Variants in RHOT1 observed in about 807,000 individuals in gnomAD.
The protein encoded by RHOT1 is mitochondrial Rho GTPase 1.
A neutral mutation model predicts 95.3 loss-of-function variants in RHOT1; 27 were observed. The ratio of observed to expected loss-of-function variants is 0.28; its 90% CI spans 0.21 to 0.39. The LOEUF is 0.39. Ranked by LOEUF, RHOT1 falls within the 10% of genes least tolerant of loss-of-function variation. RHOT1 has a pLI of 1.00. For synonymous variants in RHOT1, 227 were observed against 263.5 expected, an observed-to-expected ratio of 0.86 and a Z score of 1.34; for missense variants, 578 against 786.7, an observed-to-expected ratio of 0.73 and a Z score of 3.17.
chr17:32,182,932 AG>A, intron 7 of RHOT1, 67 bp downstream of exon 7: 3 of 1,013,988 alleles, frequency 3.0e-6, no homozygotes, highest in Non-Finnish European at 4.5e-6. Context: ...GGTTTTAAAT[AG>A]GGGGGACAAT....
At chr17:32,212,434 T>G (rs2038197007) in intron 19 of RHOT1, among the ~76,000 whole-genome samples, 1 of 152,202 alleles carries the variant, frequency 6.6e-6, no homozygotes, top group Non-Finnish European at 1.5e-5. Flanking sequence ...CTTTAGCACC[T>G]TGTAAAGTAG....
chr17:32,216,362 G>GTGATTTCCTTTGTGCA (rs1440825562), intron 19 of RHOT1, among the ~76,000 whole-genome samples: 1 of 151,930 alleles, frequency 6.6e-6, no homozygotes, highest in African/African-American at 2.4e-5. Context: ...TTCTTTGGGC[G>GTGATTTCCTTTGTGCA]TGATTTCCTT....
At chr17:32,170,503 T>TATC (rs112418484) in intron 1 of RHOT1, among the ~76,000 whole-genome samples, 6,915 of 152,308 alleles carry the variant, frequency 0.045, 528 homozygotes, top group African/African-American at 0.16. Context: ...ATGTAACAAT[T>TATC]ATTTTAACTG....
rs777218727 is a variant in RHOT1, at chr17:32,224,634, C to T, written c.1881C>T (p.Asp627=). Residue 627 remains aspartate, a synonymous_variant, in exon 20 of 20, where the codon GAC becomes GAT. Transcript: ENST00000545287. ...AVLNRHVTQA[D]LKSSTFWLRA... is the part of the protein sequence containing the mutation. ...ACTGCAGGCACGTGACACAAGCTGA[C>T]CTCAAGAGCTCCACGTTTTGGCTTC... 5 of 1,613,134 alleles carry T rather than the reference C, an allele frequency of 3.1e-6. No homozygotes were observed.
Position 32,211,164 on chromosome 17 carries a change from C to T in RHOT1, c.1788C>T (p.Cys596=). The part of the protein sequence containing the change: ...CMCTCNRCTF[C]ICQNFLNSDL... ...GCACCTGCAACAGGTGTACATTTTG[C>T]ATCTGTCAGAACTTCCTCAACTCAG... The change falls in exon 19 of 20, where the codon TGC becomes TGT. Residue 596 remains cysteine, a synonymous_variant. Coordinates refer to ENST00000545287, the MANE Select transcript of RHOT1 (RefSeq NM_001033566.3). 1 of 1,611,962 alleles carries T rather than the reference C, an allele frequency of 6.2e-7. No individual in the cohort carries two copies. The highest frequency in any genetic ancestry group is 8.5e-7 in the Non-Finnish European group (1 of 1,178,458).
At chr17:32,149,228 TA>T (rs1247421135) in intron 1 of RHOT1, among the ~76,000 whole-genome samples, 5 of 151,846 alleles carry the variant, frequency 3.3e-5, no homozygotes, top group Non-Finnish European at 7.4e-5. Flanking sequence ...CATTTTATTA[TA>T]AATTTTATTT....
chr17:32,163,971 A>G (rs1179849358), intron 1 of RHOT1, among the ~76,000 whole-genome samples: 1 of 151,916 alleles, frequency 6.6e-6, no homozygotes, highest in African/African-American at 2.4e-5. Context: ...CCTGGCCAAC[A>G]TGGTGAAACC....
intron 2 of RHOT1, among the ~76,000 whole-genome samples, chr17:32,172,657 AC>A (rs908645740): frequency 1.3e-5 from 2 of 152,126 alleles, no homozygotes; most frequent in African/African-American, 4.8e-5. Flanking sequence ...ACATGGTGAA[AC>A]CCCATCTCTA....
chr17:32,152,070 T>A (rs971174322), intron 1 of RHOT1, among the ~76,000 whole-genome samples: 6 of 152,214 alleles, frequency 3.9e-5, no homozygotes, highest in Admixed American at 2.0e-4. Flanking sequence ...ATAAATTTTT[T>A]AAAATCACAC....
rs755150885 is a variant in RHOT1 at position 32,211,144 on chromosome 17, T to C, written c.1768T>C (p.Cys590Arg). The C allele has an allele frequency of 6.2e-7, 1 of 1,610,986 alleles. No homozygotes were observed. Among genetic ancestry groups the C allele is most frequent in the Non-Finnish European group, 8.5e-7 (1 of 1,177,740 alleles). Residue 590 changes from cysteine (C) to arginine (R), a missense_variant, in exon 19 of 20, where the codon TGC becomes CGC. Coordinates refer to ENST00000545287, the MANE Select transcript of RHOT1 (RefSeq NM_001033566.3). Reference sequence around the variant, plus strand: ...TGCCCGGTTACGCTGTATGTGCACCTGCAACAGGTGTACATTTTGCATCTG... The same window carrying C: ...TGCCCGGTTACGCTGTATGTGCACCCGCAACAGGTGTACATTTTGCATCTG... ...PHARLRCMCT[C>R]NRCTFCICQN... is the part of the protein sequence containing the mutation.
At chr17:32,165,353 AAAAAAAAAAC>A (rs2033975213) in intron 1 of RHOT1, among the ~76,000 whole-genome samples, 2 of 150,222 alleles carry the variant, frequency 1.3e-5, no homozygotes, top group African/African-American at 4.9e-5. Context: ...AAAAAAAAAA[AAAAAAAAAAC>A]AATACAAAAA....
chr17:32,219,134 A>G (rs538248935), intron 19 of RHOT1, among the ~76,000 whole-genome samples: 2 of 152,186 alleles, frequency 1.3e-5, no homozygotes, highest in Admixed American at 1.3e-4. Flanking sequence ...GGAAATTCAA[A>G]TACATTTCTG....
intron 2 of RHOT1, among the ~76,000 whole-genome samples, chr17:32,172,303 T>G (rs1179176463): frequency 3.3e-5 from 5 of 152,246 alleles, no homozygotes; most frequent in Non-Finnish European, 7.3e-5. Context: ...TTTCGTGTAT[T>G]ATTTGTAGAA....
intron 2 of RHOT1, chr17:32,172,960 C>G (rs2034698370): frequency 6.6e-6 from 1 of 152,192 alleles, no homozygotes; most frequent in Admixed American, 6.5e-5. Flanking sequence ...TAAATACCTC[C>G]TCATTTGCAG....
chr17:32,217,448 A>G (rs147796182), intron 19 of RHOT1, among the ~76,000 whole-genome samples: 5,827 of 152,256 alleles, frequency 0.038, 162 homozygotes, highest in Middle Eastern at 0.082. Context: ...TAGTGGCATT[A>G]TTTTTAAAAG....
At chr17:32,224,571 C>T in intron 19 of RHOT1, 45 bp from the exon 20 acceptor site, 1 of 1,364,470 alleles carries the variant, frequency 7.3e-7, no homozygotes, top group Non-Finnish European at 1.0e-6. Context: ...ATAGGGTTTT[C>T]ATACTAATCA....
At chr17:32,207,167 C>A in intron 17 of RHOT1, 138 bp downstream of exon 17, 2 of 806,052 alleles carry the variant, frequency 2.5e-6, no homozygotes, top group South Asian at 4.5e-5. Context: ...TACCCTATTC[C>A]TGAAGGTTCT....
intron 19 of RHOT1, among the ~76,000 whole-genome samples, chr17:32,213,405 G>T (rs74319924): frequency 8.5e-5 from 13 of 152,162 alleles, no homozygotes; most frequent in African/African-American, 3.1e-4. Flanking sequence ...GAGAGAGAGA[G>T]TGCTAAACTG....
At position 32,203,877 on chromosome 17, in the gene RHOT1, G is replaced by A. The variant is rs1245575573; in HGVS notation, c.1333-13G>A. On this transcript the variant is annotated splice_polypyrimidine_tract_variant and intron_variant, in intron 15 of 19. Transcript: ENST00000545287. ...GTTACTGCAGATATTGAGATTTTCG[G>A]TTCTGTTTTCAGAGGCAGAAGAAAA... is the stretch of plus-strand genomic sequence containing the variant. The A allele has an allele frequency of 6.2e-7, 1 of 1,603,078 alleles. No homozygotes were observed. The highest frequency in any genetic ancestry group is 1.7e-5 in the Admixed American group (1 of 59,876).
Sources: gnomAD v4.1 joint callset for allele counts (sites outside exome capture counted in the v4.1 genomes callset) on GRCh38, gnomAD v4.1.1 for gene constraint, MANE v1.5 for transcripts, NCBI Gene and HGNC (gene_info 2026-07-23, HGNC 2026-07-21) for gene names.